Variants in IRF8 observed in about 807,000 individuals in gnomAD.
IRF8 encodes the protein interferon regulatory factor 8.
In IRF8, 14 loss-of-function variants were observed where a neutral mutation model predicts 48.7. The ratio of observed to expected loss-of-function variants is 0.29; its 90% CI spans 0.19 to 0.45. The LOEUF (loss-of-function observed/expected upper bound fraction) is 0.45. Ranked by LOEUF, IRF8 falls within the 20% of genes least tolerant of loss-of-function variation. The pLI, the probability that IRF8 is intolerant of heterozygous loss-of-function variation, is 1.00. For missense variants in IRF8, 493 were observed against 580.7 expected (o/e 0.85, Z 1.55); for synonymous variants, 278 against 227.3 (o/e 1.22, Z -2.01).
At position 85,914,503 on chromosome 16, in the gene IRF8, A is replaced by G; in HGVS notation, c.584A>G (p.Tyr195Cys). The G allele has an allele frequency of 6.2e-7, 1 of 1,614,112 alleles. No homozygotes were observed. The highest frequency in any genetic ancestry group is 8.5e-7 in the Non-Finnish European group (1 of 1,180,012). The change falls in exon 6 of 9, where the codon TAC (tyrosine) becomes TGC (cysteine). Residue 195 changes from tyrosine to cysteine, a missense_variant. Coordinates refer to ENST00000268638, the MANE Select transcript of IRF8 (RefSeq NM_002163.4). ...GVPLVTGYTT[Y>C]DAHHSAFSQM... ...CCGCTGGTGACGGGGTACACCACCT[A>G]CGACGCGCACCATTCAGGTACGGGG...
intron 6 of IRF8, among the ~76,000 whole-genome samples, chr16:85,916,214 T>TA (rs1320850260): frequency 2.6e-5 from 4 of 152,228 alleles, no homozygotes; most frequent in African/African-American, 7.2e-5. Context: ...ATGCTGTTTT[T>TA]ATCTCTACTT....
rs775448597 is a variant in IRF8 at position 85,913,886 on chromosome 16, GC to G, written c.554-582del. 5.9e-4 allele frequency: 102 copies of G among 171,730 alleles called. 2 individuals carry two copies. Among genetic ancestry groups the G allele is most frequent in the Non-Finnish European group, 3.7e-4 (29 of 78,664 alleles). The allele number at this position is 171,730 out of a possible 1,614,324, so 10.6% of individuals were successfully genotyped here. A position where few individuals can be genotyped will look rare whatever the true frequency, so the allele number is the denominator to read the frequency against. The stretch of plus-strand genomic sequence containing the variant: ...CTCAGAACCCCCAGCTGCTTGAAAT[GC>G]CCCCGCCCCCGCCAGGCCCAGGCTT... On this transcript the variant is annotated intron_variant, in intron 5 of 8. Transcript: ENST00000268638.
At chr16:85,910,409 A>T (rs1905110590) in intron 3 of IRF8, among the ~76,000 whole-genome samples, 1 of 152,090 alleles carries the variant, frequency 6.6e-6, no homozygotes, top group South Asian at 2.1e-4. Context: ...TTAGGAGGAA[A>T]CCTCTATATA....
rs763333317 is a variant in IRF8 at position 85,909,063 on chromosome 16, G to A, written c.248G>A (p.Arg83His). ...CCAGCCACTTGGAAGACGAGGTTAC[G>A]CTGTGCTTTGAATAAGAGCCCAGAT... Reference protein sequence around the residue: ...AEPATWKTRLRCALNKSPDFE... With the variant: ...AEPATWKTRLHCALNKSPDFE... The change falls in exon 3 of 9, where the codon CGC becomes CAC. Residue 83 changes from arginine to histidine, a missense_variant. By Grantham distance (29) the Arg-to-His change is conservative. Around this residue, in one of 3 missense-constraint regions of IRF8, gnomAD observed 31 missense variants for 71.2 expected, o/e 0.44. Coordinates refer to ENST00000268638, the MANE Select transcript of IRF8 (RefSeq NM_002163.4). The A allele has an allele frequency of 1.9e-6, 3 of 1,614,120 alleles. No homozygotes were observed. Among genetic ancestry groups the A allele is most frequent in the Admixed American group, 3.3e-5 (2 of 60,030 alleles).
rs976043685 is a variant in IRF8 at position 85,918,869 on chromosome 16, T to C, written c.988+66T>C. The C allele has an allele frequency of 3.1e-6, 5 of 1,588,674 alleles. No homozygotes were observed. In the African/African-American group the frequency reaches 5.4e-5, roughly 17 times the overall value. On this transcript the variant is annotated intron_variant, in intron 7 of 8. Transcript: ENST00000268638. Reference sequence around the variant, plus strand: ...ATCACGCCTCCTATCTGTGTGCCATTTGCAGCTCAGGGTGGCCCTGTGGTC... The same window carrying C: ...ATCACGCCTCCTATCTGTGTGCCATCTGCAGCTCAGGGTGGCCCTGTGGTC...
At chr16:85,916,613 G>A (rs1183877111) in intron 6 of IRF8, among the ~76,000 whole-genome samples, 2 of 152,194 alleles carry the variant, frequency 1.3e-5, no homozygotes, top group Non-Finnish European at 2.9e-5. Flanking sequence ...TAGCTGTTCC[G>A]GGTGAAGCTG....
chr16:85,900,011 T>A (rs979266602), intron 1 of IRF8, among the ~76,000 whole-genome samples: 1 of 152,274 alleles, frequency 6.6e-6, no homozygotes, highest in East Asian at 1.9e-4. Flanking sequence ...AGGTAAGAAC[T>A]GGTAGTTAAA....
Position 85,918,759 on chromosome 16 carries a change from G to A in IRF8, c.944G>A (p.Arg315His). Residue 315 changes from arginine (R) to histidine (H), a missense_variant, in exon 7 of 9, where the codon CGT becomes CAT. Physicochemically the swap from Arg to His is conservative, Grantham distance 29 (BLOSUM62 0). This residue lies in a region of IRF8 where 408 missense variants were observed against 449.6 expected (regional missense o/e 0.91). Coordinates refer to ENST00000268638, the MANE Select transcript of IRF8 (RefSeq NM_002163.4). ...VCKGRPNKLE[R>H]DEVVQVFDTS... ...AAAGGCAGGCCCAACAAGCTGGAGC[G>A]TGATGAGGTGGTCCAGGTCTTCGAC... The A allele has an allele frequency of 6.2e-7, 1 of 1,611,846 alleles. No individual in the cohort carries two copies. The highest frequency in any genetic ancestry group is 8.5e-7 in the Non-Finnish European group (1 of 1,180,036).
rs1311107804 is a variant in IRF8 at position 85,921,913 on chromosome 16, A to G, written c.*631A>G. 1 of 153,028 alleles carries G rather than the reference A, an allele frequency of 6.5e-6. No individual in the cohort carries two copies. The highest frequency in any genetic ancestry group is 2.4e-5 in the African/African-American group (1 of 41,460). 9.5% of individuals were successfully genotyped at this position (153,028 alleles called of 1,614,324 possible). ...TATCCAGGCAAACGGGTGTGTTTTT[A>G]TCTTCAGACAATGAAACCTTCTCCT... On this transcript the variant is annotated 3_prime_UTR_variant, in exon 9 of 9. Transcript: ENST00000268638.
intron 4 of IRF8, 107 bp downstream of exon 4, chr16:85,911,765 G>T: frequency 1.1e-6 from 1 of 885,024 alleles, no homozygotes. Flanking sequence ...CAGACCCTCG[G>T]GCTCGCTGAG....
intron 2 of IRF8, 96 bp from the exon 3 acceptor site, chr16:85,908,894 T>C: frequency 9.4e-7 from 1 of 1,059,392 alleles, no homozygotes; most frequent in South Asian, 1.3e-5. Context: ...CAAAGATTCA[T>C]GGGAAGGGAA....
At chr16:85,903,253 G>C in intron 2 of IRF8, 64 bp downstream of exon 2, 2 of 1,409,948 alleles carry the variant, frequency 1.4e-6, no homozygotes, top group Non-Finnish European at 2.0e-6. Context: ...TGGACTAGTG[G>C]AGATGTTGAG....
chr16:85,903,354 T>C (rs2152098780), intron 2 of IRF8, 165 bp downstream of exon 2: 1 of 665,528 alleles, frequency 1.5e-6, no homozygotes, highest in Non-Finnish European at 2.6e-6. Context: ...GACATGTACA[T>C]GAGCTGATTT....
Position 85,909,060 on chromosome 16 carries a change from T to A in IRF8, c.245T>A (p.Leu82Ter), listed in dbSNP as rs1333675827. 3 of 1,614,038 alleles carry A rather than the reference T, an allele frequency of 1.9e-6. No individual in the cohort carries two copies. The highest frequency in any genetic ancestry group is 2.5e-6 in the Non-Finnish European group (3 of 1,180,014). Residue 82 changes from leucine (L) to a stop codon, truncating the protein, a stop_gained, in exon 3 of 9, where the codon TTA becomes TAA. Coordinates refer to ENST00000268638, the MANE Select transcript of IRF8 (RefSeq NM_002163.4). LOFTEE classifies it high-confidence loss of function. ...GAACCAGCCACTTGGAAGACGAGGT[T>A]ACGCTGTGCTTTGAATAAGAGCCCA... is the stretch of plus-strand genomic sequence containing the variant. ...KAEPATWKTR[L>*]RCALNKSPDF...
At chr16:85,903,334 A>C in intron 2 of IRF8, 145 bp downstream of exon 2, 2 of 763,438 alleles carry the variant, frequency 2.6e-6, no homozygotes, top group Non-Finnish European at 4.4e-6. Flanking sequence ...GGAGTGCTGA[A>C]TGTGTCTCAG....
intron 6 of IRF8, among the ~76,000 whole-genome samples, chr16:85,916,258 G>C (rs1186478203): frequency 1.3e-5 from 2 of 152,232 alleles, no homozygotes; most frequent in African/African-American, 4.8e-5. Flanking sequence ...GAGTGGGGAA[G>C]CGGCTTGCCC....
chr16:85,916,611 C>G (rs1002887957), intron 6 of IRF8, among the ~76,000 whole-genome samples: 4 of 152,172 alleles, frequency 2.6e-5, no homozygotes, highest in Admixed American at 2.0e-4. Context: ...CTTAGCTGTT[C>G]CGGGTGAAGC....
In IRF8 at chr16:85,921,358, A is replaced by C; in HGVS notation, c.*76A>C. The C allele has an allele frequency of 6.8e-7, 1 of 1,463,104 alleles. No individual in the cohort carries two copies. Among genetic ancestry groups the C allele is most frequent in the Non-Finnish European group, 9.5e-7 (1 of 1,052,228 alleles). 90.6% of individuals were successfully genotyped at this position (1,463,104 alleles called of 1,614,324 possible). A position where few individuals can be genotyped will look rare whatever the true frequency, so the allele number is the denominator to read the frequency against. ...GTTACAGTGGCCCGCATCATGATTA[A>C]AGAATGTGGATCCCTCTGTCTGGGG... On this transcript the variant is annotated 3_prime_UTR_variant, in exon 9 of 9. Transcript: ENST00000268638.
At chr16:85,906,257 G>A (rs9938002) in intron 2 of IRF8, among the ~76,000 whole-genome samples, 3,551 of 152,294 alleles carry the variant, frequency 0.023, 136 homozygotes, top group African/African-American at 0.081. Flanking sequence ...TCTTAGTTCA[G>A]TGCTGTCAGC....
Sources: allele counts gnomAD v4.1 joint callset (sites outside exome capture counted in the v4.1 genomes callset), GRCh38; gene constraint gnomAD v4.1.1; regional missense constraint gnomAD v4.1.1; transcripts MANE v1.5; gene names NCBI Gene and HGNC (gene_info 2026-07-23, HGNC 2026-07-21).